PSD3: variants seen among roughly 807,000 people sequenced by gnomAD.
PSD3 encodes the protein pleckstrin and Sec7 domain containing 3, also known as PH and SEC7 domain-containing protein 3.
Under a neutral mutation model 105.5 loss-of-function variants are expected in PSD3, and 49 were observed. The ratio of observed to expected loss-of-function variants is 0.46; its 90% CI spans 0.37 to 0.59. PSD3 has a LOEUF of 0.59. PSD3 is among the 20% of genes least tolerant of loss of function. PSD3 has a pLI of 0.00. For missense variants in PSD3, 1,561 were observed against 1,263.8 expected, an observed-to-expected ratio of 1.24 and a Z score of -3.57; for synonymous variants, 557 against 457.8, an observed-to-expected ratio of 1.22 and a Z score of -2.77.
At chr8:18,602,948 C>T (rs1430725984) in intron 11 of PSD3, among the ~76,000 whole-genome samples, 1 of 152,078 alleles carries the variant, frequency 6.6e-6, no homozygotes, top group African/African-American at 2.4e-5. Flanking sequence ...ACACAGAGGT[C>T]CGTAAAGAGT....
chr8:18,887,476 T>C (rs1372915140), intron 2 of PSD3, among the ~76,000 whole-genome samples: 1 of 152,200 alleles, frequency 6.6e-6, no homozygotes, highest in African/African-American at 2.4e-5. Flanking sequence ...ACCTTGTATG[T>C]ATACAATGTC....
chr8:18,961,549 G>C (rs890167261), intron 1 of PSD3, among the ~76,000 whole-genome samples: 11 of 152,058 alleles, frequency 7.2e-5, no homozygotes, highest in African/African-American at 2.7e-4. Flanking sequence ...AATTAGCTGG[G>C]CATGGTGGCA....
chr8:18,890,292 TG>T, intron 2 of PSD3, among the ~76,000 whole-genome samples: 1 of 152,122 alleles, frequency 6.6e-6, no homozygotes, highest in East Asian at 1.9e-4. Context: ...TCTTAGATCT[TG>T]AAAAAAAAAT....
At chr8:19,044,705 T>C (rs75353544) in intron 1 of PSD3, among the ~76,000 whole-genome samples, 1 of 152,060 alleles carries the variant, frequency 6.6e-6, no homozygotes, top group African/African-American at 2.4e-5. Flanking sequence ...AAAACACAAA[T>C]GTACTGTGAG....
At chr8:19,056,879 T>C (rs1308390741) in intron 1 of PSD3, among the ~76,000 whole-genome samples, 1 of 152,192 alleles carries the variant, frequency 6.6e-6, no homozygotes, top group Non-Finnish European at 1.5e-5. Flanking sequence ...GGTAGAAGCT[T>C]GTTCTGCTCT....
chr8:18,555,255 C>T (rs1481830620), intron 15 of PSD3, among the ~76,000 whole-genome samples: 2 of 151,996 alleles, frequency 1.3e-5, no homozygotes, highest in African/African-American at 2.4e-5. Context: ...AGGTGTGAGA[C>T]GCCACAGACA....
At chr8:18,979,326 T>A (rs890193258) in intron 1 of PSD3, among the ~76,000 whole-genome samples, 4 of 152,238 alleles carry the variant, frequency 2.6e-5, no homozygotes, top group Non-Finnish European at 1.5e-5. Context: ...TCACTTTGGA[T>A]TATGTAATTT....
At chr8:18,539,248 A>C (rs764739833) in intron 15 of PSD3, among the ~76,000 whole-genome samples, 8 of 152,202 alleles carry the variant, frequency 5.3e-5, no homozygotes, top group Non-Finnish European at 1.0e-4. Flanking sequence ...GACAAAATAA[A>C]ATTGTCTCAG....
intron 1 of PSD3, among the ~76,000 whole-genome samples, chr8:19,007,105 C>T (rs112848435): frequency 0.022 from 3,409 of 151,990 alleles, 142 homozygotes; most frequent in African/African-American, 0.078. Flanking sequence ...AAATACGAAA[C>T]AGCCAGGCAT....
chr8:18,555,545 C>G (rs1324206173), intron 15 of PSD3, among the ~76,000 whole-genome samples: 1 of 152,122 alleles, frequency 6.6e-6, no homozygotes, highest in Non-Finnish European at 1.5e-5. Context: ...AAGGCAGAGG[C>G]TAAGGGACTC....
chr8:18,594,683 C>G (rs1803958600), intron 12 of PSD3, among the ~76,000 whole-genome samples: 2 of 151,246 alleles, frequency 1.3e-5, no homozygotes, highest in Admixed American at 6.6e-5. Context: ...TGATGGACAC[C>G]AAAATCCATG....
chr8:18,752,500 T>TA (rs1490668656), intron 9 of PSD3, among the ~76,000 whole-genome samples: 21 of 21,012 alleles, frequency 1.0e-3, no homozygotes, highest in African/African-American at 1.8e-3. Flanking sequence ...ATAATATATA[T>TA]AATATATATA....
Position 18,872,154 on chromosome 8 carries a change from C to A in PSD3, c.710G>T (p.Arg237Met). 1 of 1,614,198 alleles carries A rather than the reference C, an allele frequency of 6.2e-7. No homozygotes were observed. Among genetic ancestry groups the A allele is most frequent in the Non-Finnish European group, 8.5e-7 (1 of 1,180,014 alleles). ...AEISQIMNNG[R>M]KGAVCVQEPS... is the part of the protein sequence containing the mutation. Reference sequence around the variant, plus strand: ...CTCCTGCACACAGACAGCCCCTTTCCTCCCATTATTCATTATCTGGGAAAT... The same window carrying A: ...CTCCTGCACACAGACAGCCCCTTTCATCCCATTATTCATTATCTGGGAAAT... Residue 237 changes from arginine (R) to methionine (M), a missense_variant, in exon 3 of 16, where the codon AGG becomes ATG. Physicochemically the swap from Arg to Met is moderately conservative, Grantham distance 91 (BLOSUM62 -1). Coordinates refer to ENST00000327040, the MANE Select transcript of PSD3 (RefSeq NM_015310.4).
At chr8:18,781,364 G>C (rs1468077207) in intron 8 of PSD3, among the ~76,000 whole-genome samples, 1 of 152,138 alleles carries the variant, frequency 6.6e-6, no homozygotes, top group Non-Finnish European at 1.5e-5. Context: ...GGGAGTAAAG[G>C]CACAGGGATC....
chr8:18,857,338 T>C (rs912798956), intron 4 of PSD3, among the ~76,000 whole-genome samples: 2 of 152,066 alleles, frequency 1.3e-5, no homozygotes, highest in Non-Finnish European at 2.9e-5. Context: ...AAAATGCAAA[T>C]TTTGCTCGAG....
rs760260260 is a variant in PSD3 at position 18,936,014 on chromosome 8, G to A, written c.130+20C>T. On this transcript the variant is annotated intron_variant, in intron 2 of 15. Transcript: ENST00000327040. ...TCTTCATATAGTTTACCTGGGAGAG[G>A]GATATGAGGAAATACTTACTAGTAT... is the stretch of plus-strand genomic sequence containing the variant. 3.4e-6 allele frequency: 5 copies of A among 1,454,174 alleles called. No homozygotes were observed. The highest frequency in any genetic ancestry group is 4.8e-6 in the Non-Finnish European group (5 of 1,037,496). The allele number at this position is 1,454,174 out of a possible 1,614,324, so 90.1% of individuals were successfully genotyped here. A position where few individuals can be genotyped will look rare whatever the true frequency, so the allele number is the denominator to read the frequency against.
intron 1 of PSD3, chr8:19,084,195 C>T (rs72607385): frequency 0.032 from 14,059 of 443,280 alleles, 1,084 homozygotes; most frequent in East Asian, 0.21. Context: ...TCAGGACATG[C>T]GAGTTCTTAC....
intron 1 of PSD3, among the ~76,000 whole-genome samples, chr8:19,004,182 G>T (rs1826545755): frequency 6.6e-6 from 1 of 152,170 alleles, no homozygotes; most frequent in East Asian, 1.9e-4. Flanking sequence ...TCCAGGAGGA[G>T]AAGACTATTT....
At chr8:18,724,859 A>G (rs1803237901) in intron 9 of PSD3, among the ~76,000 whole-genome samples, 1 of 152,186 alleles carries the variant, frequency 6.6e-6, no homozygotes, top group Non-Finnish European at 1.5e-5. Flanking sequence ...GGATATAAGG[A>G]GAAATATGTG....
Sources: gnomAD v4.1 joint callset for allele counts (sites outside exome capture counted in the v4.1 genomes callset) on GRCh38, gnomAD v4.1.1 for gene constraint, MANE v1.5 for transcripts, NCBI Gene and HGNC (gene_info 2026-07-23, HGNC 2026-07-21) for gene names.